The following N4BP2L2 variants were observed in gnomAD, a reference collection of about 807,000 sequenced individuals.
N4BP2L2 encodes NEDD4 binding protein 2 like 2.
In N4BP2L2, 50 loss-of-function variants were observed where a neutral mutation model predicts 56.2. The observed-to-expected ratio is 0.89, with a 90% CI of 0.71 to 1.13. N4BP2L2 has a LOEUF of 1.13. Among genes scored for constraint, N4BP2L2 ranks in the 50% most tolerant of loss-of-function variants. N4BP2L2 has a pLI of 0.00. For missense variants in N4BP2L2, 689 were observed against 693.8 expected, an observed-to-expected ratio of 0.99 and a Z score of 0.08; for synonymous variants, 203 against 223.6, an observed-to-expected ratio of 0.91 and a Z score of 0.82.
chr13:32,494,975 A>T (rs960520998), intron 6 of N4BP2L2, among the ~76,000 whole-genome samples: 1 of 152,174 alleles, frequency 6.6e-6, no homozygotes, highest in Non-Finnish European at 1.5e-5. Context: ...TCTGTTGTTA[A>T]TTCAACATGT....
At chr13:32,457,042 G>A (rs1461698837) in intron 6 of N4BP2L2, among the ~76,000 whole-genome samples, 1 of 152,160 alleles carries the variant, frequency 6.6e-6, no homozygotes, top group Non-Finnish European at 1.5e-5. Context: ...GGGAGGCTGA[G>A]GCACAGGAAT....
chr13:32,449,599 T>C (rs1436502299), intron 6 of N4BP2L2, among the ~76,000 whole-genome samples: 1 of 152,250 alleles, frequency 6.6e-6, no homozygotes, highest in Non-Finnish European at 1.5e-5. Flanking sequence ...ACAATTTTTT[T>C]CAATGAACTA....
intron 9 of N4BP2L2, among the ~76,000 whole-genome samples, chr13:32,433,694 A>G (rs2075097186): frequency 6.6e-6 from 1 of 151,774 alleles, no homozygotes; most frequent in Non-Finnish European, 1.5e-5. Flanking sequence ...TGGGAGGCCA[A>G]GGCAGGTGAA....
chr13:32,473,007 G>A (rs2082608006), intron 6 of N4BP2L2, among the ~76,000 whole-genome samples: 2 of 152,192 alleles, frequency 1.3e-5, no homozygotes, highest in South Asian at 2.1e-4. Flanking sequence ...TTGGTCAGAC[G>A]CGGTGGCTCA....
chr13:32,451,902 G>T (rs1251993694), intron 6 of N4BP2L2, among the ~76,000 whole-genome samples: 3 of 151,934 alleles, frequency 2.0e-5, no homozygotes, highest in East Asian at 1.9e-4. Context: ...AAACAATAAA[G>T]GTTAAGTTTT....
chr13:32,493,740 G>T (rs1222088111), intron 6 of N4BP2L2, among the ~76,000 whole-genome samples: 1 of 152,174 alleles, frequency 6.6e-6, no homozygotes, highest in Admixed American at 6.5e-5. Context: ...ACTGCCTGAG[G>T]CATATAACTG....
exon 7 of N4BP2L2, chr13:32,442,656 A>G (rs1447636101): frequency 6.2e-7 from 1 of 1,613,824 alleles, no homozygotes. Context: ...TTAGTTTATT[A>G]CCTACTCTTG....
At chr13:32,464,266 C>T (rs1040232018) in intron 6 of N4BP2L2, among the ~76,000 whole-genome samples, 7 of 152,202 alleles carry the variant, frequency 4.6e-5, no homozygotes, top group South Asian at 2.1e-4. Context: ...TAAATTCTAA[C>T]TGGATTGTTA....
intron 6 of N4BP2L2, among the ~76,000 whole-genome samples, chr13:32,445,712 C>T (rs1331770673): frequency 2.6e-5 from 4 of 152,196 alleles, no homozygotes; most frequent in Admixed American, 6.5e-5. Flanking sequence ...GCATTTGGGC[C>T]TGAGGCCAGG....
intron 2 of N4BP2L2, among the ~76,000 whole-genome samples, chr13:32,530,070 CA>C (rs1190438710): frequency 6.6e-6 from 1 of 152,066 alleles, no homozygotes; most frequent in African/African-American, 2.4e-5. Flanking sequence ...ACATGACAAT[CA>C]TATTTTTTGT....
intron 6 of N4BP2L2, among the ~76,000 whole-genome samples, chr13:32,486,958 C>A (rs1338927181): frequency 6.6e-6 from 1 of 152,120 alleles, no homozygotes; most frequent in Non-Finnish European, 1.5e-5. Flanking sequence ...GAGATCACGC[C>A]ACTGCACTCC....
intron 6 of N4BP2L2, among the ~76,000 whole-genome samples, chr13:32,475,449 T>G (rs1238950503): frequency 6.6e-6 from 1 of 152,162 alleles, no homozygotes; most frequent in Non-Finnish European, 1.5e-5. Context: ...TGTGCCAAGT[T>G]TTATAGTCCA....
At chr13:32,439,193 T>C (rs779193195) in intron 7 of N4BP2L2, among the ~76,000 whole-genome samples, 7 of 152,364 alleles carry the variant, frequency 4.6e-5, no homozygotes, top group Non-Finnish European at 1.0e-4. Context: ...AATTCTCTTC[T>C]ACAATCCTTT....
chr13:32,487,098 A>G (rs1163996708), intron 6 of N4BP2L2, among the ~76,000 whole-genome samples: 3 of 152,212 alleles, frequency 2.0e-5, no homozygotes, highest in African/African-American at 7.2e-5. Context: ...AGGCTGAGGA[A>G]GAAGGATCAC....
At chr13:32,513,744 T>C (rs889007231) in exon 6 of N4BP2L2, 7 of 152,166 alleles carry the variant, frequency 4.6e-5, no homozygotes, top group African/African-American at 1.7e-4. Context: ...TCAATGTGGA[T>C]TGCAAATGTT....
chr13:32,521,300 C>A, intron 5 of N4BP2L2, 73 bp downstream of exon 5: 1 of 1,158,816 alleles, frequency 8.6e-7, no homozygotes, highest in South Asian at 1.3e-5. Context: ...ATTCAATAAA[C>A]TGTGAAAGGA....
At chr13:32,536,311 C>T (rs1478503751) in exon 2 of N4BP2L2, 1 of 1,613,858 alleles carries the variant, frequency 6.2e-7, no homozygotes, top group Non-Finnish European at 8.5e-7. Flanking sequence ...GCTCATTCCC[C>T]AAGTTCTGCT....
chr13:32,516,999 C>CTA, exon 6 of N4BP2L2: 3 of 969,016 alleles, frequency 3.1e-6, no homozygotes, highest in Non-Finnish European at 3.7e-6. Context: ...AGAAGATATT[C>CTA]TATAGTACAA....
chr13:32,478,035 T>G (rs1027463713), intron 6 of N4BP2L2: 39 of 1,289,132 alleles, frequency 3.0e-5, no homozygotes, highest in Non-Finnish European at 3.8e-5. Context: ...TCATCCCCAT[T>G]AGTCTGCTGG....
Sources: gnomAD v4.1 joint callset for allele counts (sites outside exome capture counted in the v4.1 genomes callset) on GRCh38, gnomAD v4.1.1 for gene constraint, MANE v1.5 for transcripts, NCBI Gene and HGNC (gene_info 2026-07-23, HGNC 2026-07-21) for gene names.